The following CLPX variants were observed in gnomAD, a reference collection of about 807,000 sequenced individuals.
CLPX encodes caseinolytic mitochondrial matrix peptidase chaperone subunit X.
In CLPX, 34 loss-of-function variants were observed where a neutral mutation model predicts 76.4. That is an observed-to-expected ratio of 0.45 (90% confidence interval 0.34 to 0.59). The LOEUF is 0.59. Among genes scored for constraint, CLPX ranks in the 20% least tolerant of loss-of-function variants. CLPX has a pLI of 0.01. For synonymous variants in CLPX, 248 were observed against 270.9 expected, an observed-to-expected ratio of 0.92 and a Z score of 0.83; for missense variants, 613 against 757.0, an observed-to-expected ratio of 0.81 and a Z score of 2.23.
chr15:65,180,189 C>A lies in CLPX; in HGVS notation c.95G>T (p.Arg32Leu). 1.3e-6 allele frequency: 2 copies of A among 1,590,254 alleles called. No homozygotes were observed. Among genetic ancestry groups the A allele is most frequent in the South Asian group, 1.1e-5 (1 of 87,044 alleles). Reference protein sequence around the residue: ...ASAQRGISGGRIHMSVLGRLG... With the variant: ...ASAQRGISGGLIHMSVLGRLG... ...CCTTCCTAAAACTGACATATGAATG[C>A]GACCACCAGAAATACCTGAAAATAA... Residue 32 changes from arginine to leucine, a missense_variant, in exon 2 of 14, where the codon CGC (arginine) becomes CTC (leucine). This residue lies in a region of CLPX where 163 missense variants were observed against 118.4 expected (regional missense o/e 1.38). Coordinates refer to ENST00000300107, the MANE Select transcript of CLPX (RefSeq NM_006660.5).
intron 6 of CLPX, among the ~76,000 whole-genome samples, chr15:65,161,069 A>AAT (rs1472337032): frequency 6.6e-6 from 1 of 152,240 alleles, no homozygotes; most frequent in Non-Finnish European, 1.5e-5. Context: ...AGATTAAATG[A>AAT]ATATATGCAA....
At chr15:65,155,883 C>T in intron 9 of CLPX, 27 bp from the exon 10 acceptor site, 1 of 1,563,904 alleles carries the variant, frequency 6.4e-7, no homozygotes, top group Non-Finnish European at 8.8e-7. Flanking sequence ...TGATTTATAG[C>T]ATCACCATAT....
rs188425622 is a variant in CLPX at position 65,175,830 on chromosome 15, A to G, written c.358+3104T>C. Among the ~76,000 whole-genome samples, 49 of 152,262 alleles carry G rather than the reference A, an allele frequency of 3.2e-4. 1 individual carries two copies. Among genetic ancestry groups the G allele is most frequent in the Middle Eastern group, 6.8e-3 (2 of 294 alleles). ...CCCAACTTTTAATGATCAGACACAGAAGGATTCAAAAGGATGCATTCTGAA... is the reference window on the plus strand; with the variant it reads ...CCCAACTTTTAATGATCAGACACAGGAGGATTCAAAAGGATGCATTCTGAA... On this transcript the variant is annotated intron_variant, in intron 3 of 13. Coordinates refer to ENST00000300107, the MANE Select transcript of CLPX (RefSeq NM_006660.5).
chr15:65,155,884 A>C (rs981123662), intron 9 of CLPX, 28 bp from the exon 10 acceptor site: 1 of 1,557,478 alleles, frequency 6.4e-7, no homozygotes, highest in Non-Finnish European at 8.8e-7. Context: ...GATTTATAGC[A>C]TCACCATATA....
At chr15:65,156,515 A>G (rs567852974) in intron 9 of CLPX, among the ~76,000 whole-genome samples, 21 of 152,340 alleles carry the variant, frequency 1.4e-4, no homozygotes, top group African/African-American at 5.0e-4. Flanking sequence ...GCATGTACAT[A>G]GTTCATTCAT....
intron 9 of CLPX, 67 bp from the exon 10 acceptor site, chr15:65,155,923 T>C (rs914453937): frequency 3.0e-6 from 4 of 1,346,020 alleles, no homozygotes; most frequent in East Asian, 4.6e-5. Flanking sequence ...CTTTAGACAA[T>C]AGGATTAAAT....
chr15:65,169,137 C>T (rs1207582396), intron 3 of CLPX, among the ~76,000 whole-genome samples: 2 of 151,912 alleles, frequency 1.3e-5, no homozygotes, highest in Admixed American at 1.3e-4. Flanking sequence ...CATTCTCCTG[C>T]CTTAGCCTCC....
chr15:65,157,000 ATACT>A (rs1032735711), intron 8 of CLPX, 68 bp from the exon 9 acceptor site: 2 of 952,382 alleles, frequency 2.1e-6, no homozygotes, highest in African/African-American at 3.3e-5. Flanking sequence ...CAGCTTTAAA[ATACT>A]TAGGTAGCTA....
intron 1 of CLPX, among the ~76,000 whole-genome samples, chr15:65,181,939 C>T (rs1317008143): frequency 1.3e-5 from 2 of 151,184 alleles, no homozygotes; most frequent in African/African-American, 2.4e-5. Context: ...CTGGCTAATA[C>T]GGTGCAACCC....
chr15:65,163,858 T>A (rs918845445), intron 5 of CLPX, among the ~76,000 whole-genome samples, 171 bp downstream of exon 5: 5 of 152,202 alleles, frequency 3.3e-5, no homozygotes, highest in Non-Finnish European at 5.9e-5. Context: ...ATCAAATTTT[T>A]AAAAAATGCT....
At chr15:65,183,581 G>GAGAAA (rs1039398522) in intron 1 of CLPX, among the ~76,000 whole-genome samples, 19 of 149,174 alleles carry the variant, frequency 1.3e-4, no homozygotes, top group African/African-American at 4.2e-4. Context: ...AGGAAGGAAG[G>GAGAAA]AGAAAAGAAA....
intron 3 of CLPX, among the ~76,000 whole-genome samples, chr15:65,168,079 A>G (rs1343992141): frequency 6.6e-6 from 1 of 151,718 alleles, no homozygotes; most frequent in African/African-American, 2.4e-5. Context: ...GAGGATAAAA[A>G]GAGTCTCTTT....
chr15:65,174,039 G>A lies in CLPX; in HGVS notation c.358+4895C>T, dbSNP rs149113016. On this transcript the variant is annotated intron_variant, in intron 3 of 13. Transcript: ENST00000300107. ...CGCCCAGGCTGGAGTGCAGTGGTGC[G>A]ATCTGGCTCACTGTAGCCTCTGCCT... Among the ~76,000 whole-genome samples, 1,401 of 152,162 alleles carry A rather than the reference G, an allele frequency of 9.2e-3. 23 individuals carry two copies. Among genetic ancestry groups the A allele is most frequent in the African/African-American group, 0.027 (1,138 of 41,500 alleles).
chr15:65,178,839 T>C (rs2088124245), intron 3 of CLPX, 95 bp downstream of exon 3: 3 of 681,256 alleles, frequency 4.4e-6, no homozygotes, highest in Non-Finnish European at 7.2e-6. Context: ...ACCTGGCCTA[T>C]ATTTATACAT....
intron 3 of CLPX, among the ~76,000 whole-genome samples, chr15:65,167,301 C>T (rs777315630): frequency 7.9e-5 from 12 of 152,102 alleles, no homozygotes; most frequent in Non-Finnish European, 1.3e-4. Context: ...GATCTCTTCA[C>T]CTTGTTATCT....
At chr15:65,167,780 C>T (rs917500075) in intron 3 of CLPX, among the ~76,000 whole-genome samples, 6 of 151,152 alleles carry the variant, frequency 4.0e-5, no homozygotes, top group African/African-American at 9.7e-5. Flanking sequence ...CCCAGCTACT[C>T]GGGAGGCTGA....
intron 3 of CLPX, among the ~76,000 whole-genome samples, chr15:65,178,537 T>C (rs901297761): frequency 6.6e-6 from 1 of 152,080 alleles, no homozygotes; most frequent in African/African-American, 2.4e-5. Flanking sequence ...ATATAATCCA[T>C]ATTTCTACAC....
chr15:65,176,946 A>T (rs2088098520), intron 3 of CLPX, among the ~76,000 whole-genome samples: 1 of 151,780 alleles, frequency 6.6e-6, no homozygotes, highest in South Asian at 2.1e-4. Flanking sequence ...TGAAGAAAAA[A>T]AAAGGAGGAA....
chr15:65,184,266 GTT>G (rs2088222151), intron 1 of CLPX: 1 of 152,224 alleles, frequency 6.6e-6, no homozygotes, highest in Non-Finnish European at 1.5e-5. Context: ...GAGAAAAAAA[GTT>G]TATTTTCCAG....
Sources: gnomAD v4.1 joint callset for allele counts (sites outside exome capture counted in the v4.1 genomes callset) on GRCh38, gnomAD v4.1.1 for gene constraint, gnomAD v4.1.1 regional missense constraint, MANE v1.5 for transcripts, NCBI Gene and HGNC (gene_info 2026-07-23, HGNC 2026-07-21) for gene names.